The following SHANK2 variants were observed in gnomAD, a reference collection of about 807,000 sequenced individuals.
SHANK2 encodes the protein SH3 and multiple ankyrin repeat domains 2.
A neutral mutation model predicts 133.7 loss-of-function variants in SHANK2; 43 were observed. That is an observed-to-expected ratio of 0.32 (90% CI 0.25 to 0.41). The LOEUF (loss-of-function observed/expected upper bound fraction) is 0.41. SHANK2 is among the 10% of genes least tolerant of loss of function. SHANK2 has a pLI of 1.00. For synonymous variants in SHANK2, 1,017 were observed against 952.8 expected, an observed-to-expected ratio of 1.07 and a Z score of -1.24; for missense variants, 1,994 against 2,235.8, an observed-to-expected ratio of 0.89 and a Z score of 2.18.
At chr11:70,838,291 A>G (rs1555060600) in intron 11 of SHANK2, among the ~76,000 whole-genome samples, 2 of 152,220 alleles carry the variant, frequency 1.3e-5, no homozygotes, top group South Asian at 2.1e-4. Context: ...GCCTGCTTCA[A>G]CACTTGGGTT....
At chr11:70,551,830 A>C (rs1406102424) in intron 17 of SHANK2, among the ~76,000 whole-genome samples, 1 of 152,004 alleles carries the variant, frequency 6.6e-6, no homozygotes, top group Non-Finnish European at 1.5e-5. Flanking sequence ...GCAGGCCTGG[A>C]CTCTGGGTTC....
At chr11:71,151,967 C>A (rs1299018801) in intron 2 of SHANK2, among the ~76,000 whole-genome samples, 11 of 152,148 alleles carry the variant, frequency 7.2e-5, no homozygotes, top group Admixed American at 3.9e-4. Context: ...GAATGTGGTC[C>A]CCAAATCAGC....
rs182683964 is a variant in SHANK2 at position 70,688,840 on chromosome 11, C to T, written c.1853+9848G>A. The stretch of plus-strand genomic sequence containing the variant: ...CTGCGCTCCTGGGACCATGTCTCCC[C>T]ACCACAGCTCTATCACCTGGCCACC... On this transcript the variant is annotated intron_variant, in intron 15 of 25. Transcript: ENST00000601538. Among the ~76,000 whole-genome samples the T allele has an allele frequency of 4.5e-4, 69 of 152,310 alleles. 1 individual carries two copies. The highest frequency in any genetic ancestry group is 4.0e-3 in the Admixed American group (61 of 15,306).
chr11:70,630,319 G>A (rs549155760), intron 17 of SHANK2, among the ~76,000 whole-genome samples: 17 of 152,324 alleles, frequency 1.1e-4, no homozygotes, highest in African/African-American at 4.1e-4. Context: ...CCAGGCCACG[G>A]CTGAGGACTG....
At chr11:70,791,244 C>A (rs1947780202) in intron 14 of SHANK2, among the ~76,000 whole-genome samples, 1 of 152,198 alleles carries the variant, frequency 6.6e-6, no homozygotes, top group Non-Finnish European at 1.5e-5. Flanking sequence ...GGTGGGCCAA[C>A]TGACATGCAC....
chr11:70,714,180 C>T (rs113088309), intron 14 of SHANK2, among the ~76,000 whole-genome samples: 2 of 152,332 alleles, frequency 1.3e-5, no homozygotes, highest in African/African-American at 4.8e-5. Flanking sequence ...CTTCCTTCTT[C>T]CCTGTCTGGA....
At chr11:70,850,636 G>A (rs1424614541) in intron 11 of SHANK2, among the ~76,000 whole-genome samples, 1 of 152,204 alleles carries the variant, frequency 6.6e-6, no homozygotes, top group Admixed American at 6.5e-5. Context: ...GTGTAGTGGG[G>A]GCTTGGGCCT....
chr11:70,647,888 T>G (rs1354846055), intron 17 of SHANK2, among the ~76,000 whole-genome samples: 2 of 151,474 alleles, frequency 1.3e-5, no homozygotes, highest in African/African-American at 4.8e-5. Flanking sequence ...AAACACAGAA[T>G]GACCACCTGA....
At chr11:70,887,371 T>TG (rs1399354443) in intron 11 of SHANK2, among the ~76,000 whole-genome samples, 1 of 151,576 alleles carries the variant, frequency 6.6e-6, no homozygotes, top group Non-Finnish European at 1.5e-5. Flanking sequence ...TAATTTTTTT[T>TG]TTTTTTTAAG....
At position 70,485,817 on chromosome 11, in the gene SHANK2, C is replaced by G; in HGVS notation, c.4476G>C (p.Glu1492Asp). The G allele has an allele frequency of 3.1e-6, 5 of 1,614,008 alleles. No individual in the cohort carries two copies. The highest frequency in any genetic ancestry group is 4.2e-6 in the Non-Finnish European group (5 of 1,180,038). The change falls in exon 25 of 26, where the codon GAG becomes GAC. Residue 1492 changes from glutamate (E) to aspartate (D), a missense_variant. Coordinates refer to ENST00000601538, the MANE Select transcript of SHANK2 (RefSeq NM_012309.5). The surrounding 1 kb of genome is among the most constrained non-coding windows in gnomAD (Gnocchi z 5.8). ...CGCTGCTACTCCGGCTGTCCACCTC[C>G]TCGATCCCAGAGTCGGCGACGGCGT... ...SFDAVADSGIEEVDSRSSSDH... is the reference protein window; with the variant it reads ...SFDAVADSGIDEVDSRSSSDH...
At chr11:70,663,297 C>A (rs1452699268) in intron 15 of SHANK2, among the ~76,000 whole-genome samples, 1 of 152,178 alleles carries the variant, frequency 6.6e-6, no homozygotes, top group Non-Finnish European at 1.5e-5. Flanking sequence ...GTGCAGCCAG[C>A]TGGTGACAGC....
At chr11:70,546,097 A>ATTTTTTTTTTTTT (rs57144719) in intron 17 of SHANK2, among the ~76,000 whole-genome samples, 8 of 137,510 alleles carry the variant, frequency 5.8e-5, no homozygotes, top group Non-Finnish European at 1.1e-4. Context: ...TATTTATTTA[A>ATTTTTTTTTTTTT]TTTTTTTTTT....
intron 17 of SHANK2, among the ~76,000 whole-genome samples, chr11:70,625,810 G>GAAAAAAA (rs34147403): frequency 1.2e-3 from 51 of 41,398 alleles, no homozygotes; most frequent in African/African-American, 1.9e-3. Flanking sequence ...GTGCAAAAAT[G>GAAAAAAA]AAAAAAAAAA....
At chr11:70,858,291 C>T (rs782053340) in intron 11 of SHANK2, among the ~76,000 whole-genome samples, 5 of 152,208 alleles carry the variant, frequency 3.3e-5, no homozygotes, top group Non-Finnish European at 5.9e-5. Flanking sequence ...ATTTGTATTG[C>T]GCTGTGCGGC....
intron 14 of SHANK2, among the ~76,000 whole-genome samples, chr11:70,757,101 T>C (rs1346957634): frequency 6.6e-6 from 1 of 152,224 alleles, no homozygotes; most frequent in African/African-American, 2.4e-5. Context: ...ACTATTCTTA[T>C]TTTTATTCCT....
chr11:70,763,264 C>T (rs1000783996), intron 14 of SHANK2, among the ~76,000 whole-genome samples: 1 of 152,180 alleles, frequency 6.6e-6, no homozygotes, highest in South Asian at 2.1e-4. Flanking sequence ...GCACCTGCCA[C>T]GTGCAGCAGC....
intron 10 of SHANK2, chr11:70,943,005 G>C: frequency 2.2e-6 from 1 of 454,378 alleles, no homozygotes; most frequent in Admixed American, 2.4e-5. Context: ...ACCATTCATT[G>C]TAATACAATA....
intron 10 of SHANK2, among the ~76,000 whole-genome samples, chr11:70,932,419 C>T (rs918706052): frequency 2.0e-4 from 31 of 152,228 alleles, no homozygotes; most frequent in South Asian, 1.0e-3. Context: ...GCTGGGTCCG[C>T]GCACGTGCGG....
intron 17 of SHANK2, among the ~76,000 whole-genome samples, chr11:70,554,350 T>C (rs963773503): frequency 6.6e-6 from 1 of 152,064 alleles, no homozygotes. Context: ...TCAGGGAGGG[T>C]TCCAGAGCGG....
Sources: allele counts gnomAD v4.1 joint callset (sites outside exome capture counted in the v4.1 genomes callset), GRCh38; gene constraint gnomAD v4.1.1; non-coding constraint Gnocchi (gnomAD v3.1); transcripts MANE v1.5; gene names NCBI Gene and HGNC (gene_info 2026-07-23, HGNC 2026-07-21).